Variants in LINGO2 observed in about 807,000 individuals in gnomAD.
The protein encoded by LINGO2 is leucine rich repeat and Ig domain containing 2, also known as leucine-rich repeat and immunoglobulin-like domain-containing nogo receptor-interacting protein 2.
A neutral mutation model predicts 30.6 loss-of-function variants in LINGO2; 14 were observed. The ratio of observed to expected loss-of-function variants is 0.46; its 90% CI spans 0.30 to 0.72. LINGO2 has a LOEUF of 0.72. LINGO2 is among the 30% of genes least tolerant of loss of function. The pLI is 0.07. For missense variants in LINGO2, 729 were observed against 751.7 expected (o/e 0.97, Z 0.35); for synonymous variants, 317 against 288.5 (o/e 1.10, Z -1.00).
intron 1 of LINGO2, among the ~76,000 whole-genome samples, chr9:28,587,900 G>C (rs909416169): frequency 6.6e-6 from 1 of 151,938 alleles, no homozygotes; most frequent in Non-Finnish European, 1.5e-5. Context: ...TGGCCGTTTT[G>C]CATTTTTGAA....
At chr9:27,938,086 TC>T in the LINGO2 span, 1 of 152,290 alleles carries the variant, frequency 6.6e-6, no homozygotes, top group South Asian at 2.1e-4. Context: ...AAATAACTGT[TC>T]CGCCACACCC....
At chr9:28,925,700 T>C in the LINGO2 span, among the ~76,000 whole-genome samples, 3 of 152,210 alleles carry the variant, frequency 2.0e-5, no homozygotes, top group African/African-American at 4.8e-5. Context: ...TGGGTTCTTC[T>C]AGTGAATTAT....
At chr9:28,848,879 G>A in the LINGO2 span, among the ~76,000 whole-genome samples, 7 of 151,800 alleles carry the variant, frequency 4.6e-5, no homozygotes, top group South Asian at 2.1e-4. Flanking sequence ...GTCTCCTCCC[G>A]CAAAATTCAT....
chr9:28,426,911 A>G (rs1823438239), intron 2 of LINGO2, among the ~76,000 whole-genome samples: 1 of 152,092 alleles, frequency 6.6e-6, no homozygotes, highest in African/African-American at 2.4e-5. Context: ...TGAAACTGAA[A>G]AGCATGAGGT....
At chr9:29,141,746 G>A in the LINGO2 span, among the ~76,000 whole-genome samples, 8 of 151,742 alleles carry the variant, frequency 5.3e-5, no homozygotes, top group Non-Finnish European at 1.0e-4. Context: ...TAGAACAGGC[G>A]TGACCTTGCT....
At chr9:28,080,275 A>T (rs540448353) in intron 4 of LINGO2, among the ~76,000 whole-genome samples, 67 of 152,278 alleles carry the variant, frequency 4.4e-4, no homozygotes, top group African/African-American at 1.6e-3. Context: ...AATTTCTACC[A>T]TGGCATATGA....
chr9:28,554,624 G>A (rs1223189722), intron 1 of LINGO2, among the ~76,000 whole-genome samples: 1 of 108,786 alleles, frequency 9.2e-6, no homozygotes, highest in Non-Finnish European at 1.9e-5. Flanking sequence ...CCCAGGAATT[G>A]AACTCAGCTC....
chr9:28,310,328 T>C (rs575725526), intron 3 of LINGO2, among the ~76,000 whole-genome samples: 2 of 152,250 alleles, frequency 1.3e-5, no homozygotes, highest in African/African-American at 4.8e-5. Flanking sequence ...AATAGTGTTA[T>C]ATCCATGGAA....
chr9:27,968,553 T>C (rs1426867114), intron 5 of LINGO2, among the ~76,000 whole-genome samples: 1 of 152,040 alleles, frequency 6.6e-6, no homozygotes, highest in Admixed American at 6.6e-5. Context: ...TAGATTGTGC[T>C]ATAGGTATTA....
intron 3 of LINGO2, among the ~76,000 whole-genome samples, chr9:28,330,307 T>C (rs533059600): frequency 1.6e-4 from 24 of 152,286 alleles, no homozygotes; most frequent in African/African-American, 5.1e-4. Context: ...ACTCAGTCTA[T>C]GGATTTTGTT....
At chr9:28,290,571 A>G (rs4335221) in intron 4 of LINGO2, among the ~76,000 whole-genome samples, 50,741 of 151,950 alleles carry the variant, frequency 0.33, 8,562 homozygotes, top group East Asian at 0.47. Context: ...GGAGATGGGA[A>G]CTCAGTCTGA....
chr9:28,434,295 C>A (rs1380013290), intron 2 of LINGO2, among the ~76,000 whole-genome samples: 3 of 145,256 alleles, frequency 2.1e-5, no homozygotes, highest in Non-Finnish European at 4.5e-5. Flanking sequence ...CCACGTAACC[C>A]AAAATGACCT....
chr9:28,033,230 A>G (rs762152626), intron 4 of LINGO2, among the ~76,000 whole-genome samples: 5 of 152,174 alleles, frequency 3.3e-5, no homozygotes, highest in Non-Finnish European at 7.3e-5. Flanking sequence ...AATTTTACCA[A>G]ATCTCATTGA....
At chr9:28,120,523 G>A (rs1827064450) in intron 4 of LINGO2, among the ~76,000 whole-genome samples, 1 of 152,198 alleles carries the variant, frequency 6.6e-6, no homozygotes, top group Non-Finnish European at 1.5e-5. Flanking sequence ...GAAATATTCA[G>A]TGTTAAAGGG....
At chr9:28,333,049 G>A (rs968052038) in intron 3 of LINGO2, among the ~76,000 whole-genome samples, 2 of 152,066 alleles carry the variant, frequency 1.3e-5, no homozygotes, top group Middle Eastern at 3.2e-3. Context: ...GCAGTTTTAC[G>A]GATCAAAATC....
intron 4 of LINGO2, among the ~76,000 whole-genome samples, chr9:28,261,307 C>T (rs371659328): frequency 6.6e-6 from 1 of 151,830 alleles, no homozygotes; most frequent in South Asian, 2.1e-4. Flanking sequence ...AAAGATAAAT[C>T]CCAGCTTACT....
chr9:28,657,403 A>G (rs1828396916), intron 1 of LINGO2, among the ~76,000 whole-genome samples: 1 of 151,926 alleles, frequency 6.6e-6, no homozygotes, highest in Non-Finnish European at 1.5e-5. Flanking sequence ...TTCCTTGAGA[A>G]GGTTTTGATT....
chr9:29,042,584 GA>G, the LINGO2 span, among the ~76,000 whole-genome samples: 1 of 151,800 alleles, frequency 6.6e-6, no homozygotes, highest in African/African-American at 2.4e-5. Flanking sequence ...TTTTGCTTGG[GA>G]GAAACAAGAA....
At chr9:29,102,539 T>C in the LINGO2 span, among the ~76,000 whole-genome samples, 2 of 152,190 alleles carry the variant, frequency 1.3e-5, no homozygotes, top group Non-Finnish European at 2.9e-5. Flanking sequence ...GAACACATGG[T>C]GATTATAAGA....
Sources: gnomAD v4.1 joint callset for allele counts (sites outside exome capture counted in the v4.1 genomes callset) on GRCh38, gnomAD v4.1.1 for gene constraint, MANE v1.5 for transcripts, NCBI Gene and HGNC (gene_info 2026-07-23, HGNC 2026-07-21) for gene names.